ZNF318: variants seen among roughly 807,000 people sequenced by gnomAD.
ZNF318 encodes the protein endocrine regulator.
ZNF318 carries 51 observed loss-of-function variants against 124.2 expected under a neutral mutation model. That is an observed-to-expected ratio of 0.41 (90% CI 0.33 to 0.52). The LOEUF (loss-of-function observed/expected upper bound fraction) is 0.52. ZNF318 is among the 20% of genes least tolerant of loss of function. The pLI, the probability that ZNF318 is intolerant of heterozygous loss-of-function variation, is 0.23. For missense variants in ZNF318, 2,815 were observed against 2,811.2 expected, an observed-to-expected ratio of 1.00 and a Z score of -0.03; for synonymous variants, 1,090 against 1,040.7, an observed-to-expected ratio of 1.05 and a Z score of -0.91.
Position 43,338,572 on chromosome 6 carries a change from G to C in ZNF318, c.5426C>G (p.Ser1809Cys), listed in dbSNP as rs762222586. The change falls in exon 10 of 10, where the codon TCT (serine) becomes TGT (cysteine). Residue 1809 changes from serine to cysteine, a missense_variant. Ser to Cys is a moderately radical substitution (Grantham distance 112, BLOSUM62 -1). Coordinates refer to ENST00000361428, the MANE Select transcript of ZNF318 (RefSeq NM_014345.3). Reference sequence around the variant, plus strand: ...GTATCTGTTTCCATGGTTCAAATTAGAATCATCTATGCTGTGGGGTCCAAT... The same window carrying C: ...GTATCTGTTTCCATGGTTCAAATTACAATCATCTATGCTGTGGGGTCCAAT... ...TSIGPHSIDD[S>C]NLNHGNRYMW... The C allele has an allele frequency of 5.0e-6, 8 of 1,614,016 alleles. No individual in the cohort carries two copies. In the South Asian group the frequency reaches 8.8e-5, roughly 18 times the overall value.
At chr6:43,348,906 C>T (rs573495184) in intron 5 of ZNF318, among the ~76,000 whole-genome samples, 24 of 152,088 alleles carry the variant, frequency 1.6e-4, no homozygotes, top group African/African-American at 5.1e-4. Context: ...TGGGGGTGGG[C>T]GCCTGTAATT....
intron 2 of ZNF318, among the ~76,000 whole-genome samples, chr6:43,361,365 C>G (rs1275544811): frequency 6.6e-6 from 1 of 152,100 alleles, no homozygotes; most frequent in Admixed American, 6.6e-5. Context: ...AGGAGACTAG[C>G]CTGGACAACA....
At position 43,338,288 on chromosome 6, in the gene ZNF318, A is replaced by C. The variant is rs1352012797; in HGVS notation, c.5710T>G (p.Leu1904Val). The C allele has an allele frequency of 2.5e-6, 4 of 1,614,068 alleles. No individual in the cohort carries two copies. The highest frequency in any genetic ancestry group is 3.4e-6 in the Non-Finnish European group (4 of 1,180,030). ...LHSPARSAMC[L>V]TGSPQEQGVS... ...CCTTGCTCTTGTGGACTACCTGTTAAACACATAGCTGATCTGGCTGGGGAA... is the reference window on the plus strand; with the variant it reads ...CCTTGCTCTTGTGGACTACCTGTTACACACATAGCTGATCTGGCTGGGGAA... Residue 1904 changes from leucine to valine, a missense_variant, in exon 10 of 10, where the codon TTA becomes GTA. Physicochemically the swap from Leu to Val is conservative, Grantham distance 32 (BLOSUM62 1). Coordinates refer to ENST00000361428, the MANE Select transcript of ZNF318 (RefSeq NM_014345.3).
intron 2 of ZNF318, among the ~76,000 whole-genome samples, chr6:43,360,811 T>G (rs1033463837): frequency 3.9e-5 from 6 of 152,074 alleles, no homozygotes; most frequent in African/African-American, 9.7e-5. Flanking sequence ...AAAAATATGC[T>G]AAGTGAAAGA....
At chr6:43,364,330 T>TTA in intron 2 of ZNF318, 3 of 126,352 alleles carry the variant, frequency 2.4e-5, no homozygotes, top group Non-Finnish European at 2.9e-5. Flanking sequence ...GAATTAAGCC[T>TTA]GAAAAAAAAA....
rs1356511680 is a variant in ZNF318, at chr6:43,339,711, T to C, written c.4287A>G (p.Glu1429=). ...CAGGTAAATGAGATGGCTCACTCTT[T>C]TCAGCCAACACCACTTTTTCCTCTG... is the stretch of plus-strand genomic sequence containing the variant. The part of the protein sequence containing the change: ...GSPEEKVVLA[E]KSEPSHLPEQ... The change falls in exon 10 of 10, where the codon GAA becomes GAG. Residue 1429 remains glutamate, a synonymous_variant. Coordinates refer to ENST00000361428, the MANE Select transcript of ZNF318 (RefSeq NM_014345.3). This position sits in a 1 kb window ranked among gnomAD's most constrained non-coding sequence, Gnocchi z 4.2. 5.6e-6 allele frequency: 9 copies of C among 1,613,990 alleles called. No individual in the cohort carries two copies. In the Admixed American group the frequency reaches 1.5e-4, roughly 27 times the overall value.
chr6:43,341,654 G>A (rs1779374758), intron 8 of ZNF318, among the ~76,000 whole-genome samples: 5 of 122,402 alleles, frequency 4.1e-5, no homozygotes, highest in African/African-American at 3.1e-5. Context: ...CATCTCAGAG[G>A]AAAAAAAAAA....
intron 2 of ZNF318, among the ~76,000 whole-genome samples, chr6:43,362,190 G>A (rs1350530126): frequency 6.6e-6 from 1 of 151,938 alleles, no homozygotes; most frequent in Non-Finnish European, 1.5e-5. Context: ...GGCCAGGCGC[G>A]GTGGCTCACA....
In ZNF318 at chr6:43,357,521, C is replaced by T; in HGVS notation, c.793G>A (p.Glu265Lys). 6.2e-7 allele frequency: 1 copy of T among 1,614,142 alleles called. No individual in the cohort carries two copies. The highest frequency in any genetic ancestry group is 2.2e-5 in the East Asian group (1 of 44,882). ...CTTTTGGCCTCCCGGCTCCTTTCTT[C>T]AGATCGTATGGAGTAGCCTTTGAGT... ...EKLKGYSIRSEERSREAKRPR... is the reference protein window; with the variant it reads ...EKLKGYSIRSKERSREAKRPR... The change falls in exon 3 of 10, where the codon GAA becomes AAA. Residue 265 changes from glutamate to lysine, a missense_variant. Physicochemically the swap from Glu to Lys is moderately conservative, Grantham distance 56. This residue lies in a region of ZNF318 where 1,377 missense variants were observed against 1,353.5 expected (regional missense o/e 1.02). Coordinates refer to ENST00000361428, the MANE Select transcript of ZNF318 (RefSeq NM_014345.3).
Position 43,339,611 on chromosome 6 carries a change from C to T in ZNF318, c.4387G>A (p.Ala1463Thr), listed in dbSNP as rs1012454317. Residue 1463 changes from alanine (A) to threonine (T), a missense_variant, in exon 10 of 10, where the codon GCC becomes ACC. By Grantham distance (58) the Ala-to-Thr change is moderately conservative. Transcript: ENST00000361428. This position sits in a 1 kb window ranked among gnomAD's most constrained non-coding sequence, Gnocchi z 4.2. ...GCATTTGCTTGAGCAGCAGACGGGG[C>T]AGCTGGATGAGGTATAACGGGGGGT... ...PPPPVIPHPA[A>T]PSAAQANAIL... 3 of 1,593,152 alleles carry T rather than the reference C, an allele frequency of 1.9e-6. No homozygotes were observed. Among genetic ancestry groups the T allele is most frequent in the African/African-American group, 3.0e-5 (2 of 67,260 alleles).
At chr6:43,350,095 C>A (rs1300195472) in intron 5 of ZNF318, among the ~76,000 whole-genome samples, 1 of 151,940 alleles carries the variant, frequency 6.6e-6, no homozygotes, top group Non-Finnish European at 1.5e-5. Context: ...ACTAAAAATA[C>A]AAAAATTAGC....
chr6:43,343,017 G>A (rs567187110), intron 6 of ZNF318, 138 bp from the exon 7 acceptor site: 3 of 691,124 alleles, frequency 4.3e-6, no homozygotes, highest in East Asian at 5.5e-5. Context: ...CACAAGTTGG[G>A]GGGAACCCTA....
chr6:43,352,258 A>AGAGTACCTGAGGATTCTTTGCAC, intron 5 of ZNF318, 119 bp downstream of exon 5: 1 of 742,334 alleles, frequency 1.3e-6, no homozygotes, highest in Non-Finnish European at 2.2e-6. Context: ...TGTAAGTTTA[A>AGAGTACCTGAGGATTCTTTGCAC]TTACGTCAAA....
Position 43,363,996 on chromosome 6 carries a change from C to G in ZNF318, c.548+1296G>C, listed in dbSNP as rs539720148. The G allele has an allele frequency of 5.6e-6, 4 of 710,356 alleles. No individual in the cohort carries two copies. The South Asian group carries it at 6.0e-5, about 11-fold the overall frequency. 44.0% of individuals were successfully genotyped at this position (710,356 alleles called of 1,614,324 possible). On this transcript the variant is annotated intron_variant, in intron 2 of 9. Coordinates refer to ENST00000361428, the MANE Select transcript of ZNF318 (RefSeq NM_014345.3). Reference sequence around the variant, plus strand: ...GCTACTGCGGCTCTGTGCTGGTGCACCTCATCCCTGCGCCCAAGGGCACTG... The same window carrying G: ...GCTACTGCGGCTCTGTGCTGGTGCAGCTCATCCCTGCGCCCAAGGGCACTG...
At position 43,364,230 on chromosome 6, in the gene ZNF318, T is replaced by A. The variant is rs1581652260; in HGVS notation, c.548+1062A>T. The A allele has an allele frequency of 6.3e-6, 4 of 631,982 alleles. No individual in the cohort carries two copies. The East Asian group carries it at 1.1e-4, about 18-fold the overall frequency. The allele number at this position is 631,982 out of a possible 1,614,324, so 39.1% of individuals were successfully genotyped here. On this transcript the variant is annotated intron_variant, in intron 2 of 9. Coordinates refer to ENST00000361428, the MANE Select transcript of ZNF318 (RefSeq NM_014345.3). ...CCCTATCAGGAATTCACTGACCACCTCATCAAGACACACACCAGAGTCTCT... is the reference window on the plus strand; with the variant it reads ...CCCTATCAGGAATTCACTGACCACCACATCAAGACACACACCAGAGTCTCT...
rs776421567 is a variant in ZNF318 at position 43,348,618 on chromosome 6, C to T, written c.2778G>A (p.Met926Ile). Residue 926 changes from methionine to isoleucine, a missense_variant, in exon 6 of 10, where the codon ATG (methionine) becomes ATA (isoleucine). By Grantham distance (10) the Met-to-Ile change is conservative. Coordinates refer to ENST00000361428, the MANE Select transcript of ZNF318 (RefSeq NM_014345.3). ...CCTTCTCCCTTCGTTTCTTGCGCAGCATTTCTCCTGAGCAATCAAATGTCA... is the reference window on the plus strand; with the variant it reads ...CCTTCTCCCTTCGTTTCTTGCGCAGTATTTCTCCTGAGCAATCAAATGTCA... ...LERLHKQQGE[M>I]LRKKRREKDG... 5 of 1,613,418 alleles carry T rather than the reference C, an allele frequency of 3.1e-6. No individual in the cohort carries two copies. The South Asian group carries it at 4.4e-5, about 14-fold the overall frequency.
At chr6:43,345,036 G>A (rs1222869910) in intron 6 of ZNF318, among the ~76,000 whole-genome samples, 1 of 151,918 alleles carries the variant, frequency 6.6e-6, no homozygotes, top group Non-Finnish European at 1.5e-5. Flanking sequence ...CTTGAGCTTA[G>A]GAGTTCGGGA....
At chr6:43,353,653 C>T (rs1208573370) in intron 4 of ZNF318, among the ~76,000 whole-genome samples, 1 of 152,216 alleles carries the variant, frequency 6.6e-6, no homozygotes, top group Non-Finnish European at 1.5e-5. Flanking sequence ...GGATTACAGG[C>T]ATGAGCCACC....
Position 43,339,762 on chromosome 6 carries a change from C to G in ZNF318, c.4236G>C (p.Gly1412=). ...PPDIISKAFG[G]EEVILKGSPE... ...GAGACCCTTTTAGAATCACCTCTTC[C>G]CCTCCAAATGCTTTGGAGATGATGT... The change falls in exon 10 of 10, where the codon GGG becomes GGC. Residue 1412 remains glycine (G), a synonymous_variant. Transcript: ENST00000361428. This position sits in a 1 kb window ranked among gnomAD's most constrained non-coding sequence, Gnocchi z 4.2. 1.2e-6 allele frequency: 2 copies of G among 1,614,082 alleles called. No individual in the cohort carries two copies. Among genetic ancestry groups the G allele is most frequent in the South Asian group, 1.1e-5 (1 of 91,070 alleles).
Sources: gnomAD v4.1 joint callset for allele counts (sites outside exome capture counted in the v4.1 genomes callset) on GRCh38, gnomAD v4.1.1 for gene constraint, gnomAD v4.1.1 regional missense constraint, Gnocchi (gnomAD v3.1) non-coding constraint, MANE v1.5 for transcripts, NCBI Gene and HGNC (gene_info 2026-07-23, HGNC 2026-07-21) for gene names.